Variants in CHL1 observed in about 807,000 individuals in gnomAD.
The protein encoded by CHL1 is neural cell adhesion molecule L1-like protein.
CHL1 carries 96 observed loss-of-function variants against 141.9 expected under a neutral mutation model. The observed-to-expected ratio is 0.68, with a 90% CI of 0.57 to 0.80. CHL1 has a LOEUF of 0.80. Among genes scored for constraint, CHL1 ranks in the 30% least tolerant of loss-of-function variants. CHL1 has a pLI of 0.00. For synonymous variants in CHL1, 613 were observed against 502.2 expected, an observed-to-expected ratio of 1.22 and a Z score of -2.95; for missense variants, 1,820 against 1,457.2, an observed-to-expected ratio of 1.25 and a Z score of -4.05.
chr3:398,161 A>T (rs1708828247), intron 24 of CHL1, 66 bp from the exon 25 acceptor site: 1 of 1,157,204 alleles, frequency 8.6e-7, no homozygotes, highest in Non-Finnish European at 1.2e-6. Context: ...TCTAACAACA[A>T]TATTTTTTTA....
At chr3:265,276 T>C (rs1334766301) in intron 2 of CHL1, among the ~76,000 whole-genome samples, 3 of 152,226 alleles carry the variant, frequency 2.0e-5, no homozygotes, top group African/African-American at 7.2e-5. Context: ...ATCTATAAAA[T>C]GGAAATACTT....
intron 2 of CHL1, among the ~76,000 whole-genome samples, chr3:318,848 A>G (rs946082829): frequency 5.3e-5 from 8 of 151,630 alleles, no homozygotes; most frequent in East Asian, 1.9e-4. Context: ...AATGACTCAA[A>G]TGGGAATAGA....
chr3:306,774 C>G (rs138149031), intron 2 of CHL1, among the ~76,000 whole-genome samples: 1 of 152,124 alleles, frequency 6.6e-6, no homozygotes, highest in Admixed American at 6.5e-5. Flanking sequence ...AAACCATGAA[C>G]TATTTATCTT....
chr3:378,085 A>G (rs1452860566), intron 16 of CHL1, 143 bp downstream of exon 16: 1 of 591,460 alleles, frequency 1.7e-6, no homozygotes, highest in Non-Finnish European at 2.6e-6. Flanking sequence ...AAGCAACACA[A>G]CTTCAAATCC....
chr3:310,672 CT>C (rs1239425895), intron 2 of CHL1, among the ~76,000 whole-genome samples: 1 of 152,148 alleles, frequency 6.6e-6, no homozygotes, highest in Non-Finnish European at 1.5e-5. Flanking sequence ...TATGCACAGC[CT>C]CTCCGTTATC....
At chr3:267,425 T>C (rs945183763) in intron 2 of CHL1, among the ~76,000 whole-genome samples, 1 of 152,226 alleles carries the variant, frequency 6.6e-6, no homozygotes, top group Non-Finnish European at 1.5e-5. Flanking sequence ...TCCTCTATTT[T>C]ACATTTATAT....
At chr3:360,810 C>G (rs1704172804) in intron 12 of CHL1, among the ~76,000 whole-genome samples, 1 of 137,436 alleles carries the variant, frequency 7.3e-6, no homozygotes, top group South Asian at 2.3e-4. Flanking sequence ...TCTCATTGTT[C>G]AATTCCCACC....
chr3:325,490 A>G (rs970792039), intron 3 of CHL1, among the ~76,000 whole-genome samples: 2 of 152,070 alleles, frequency 1.3e-5, no homozygotes, highest in African/African-American at 4.8e-5. Context: ...GACCAGTAAT[A>G]GAATTATTAA....
At chr3:371,066 G>T (rs992306372) in intron 15 of CHL1, among the ~76,000 whole-genome samples, 3 of 152,122 alleles carry the variant, frequency 2.0e-5, no homozygotes, top group African/African-American at 7.2e-5. Flanking sequence ...GTGCTGAGAA[G>T]AATGTATATT....
At chr3:400,660 G>A (rs143641430) in intron 26 of CHL1, among the ~76,000 whole-genome samples, 2,354 of 149,748 alleles carry the variant, frequency 0.016, 27 homozygotes, top group Non-Finnish European at 0.025. Flanking sequence ...AAATCAGCCA[G>A]GCATAGTGGT....
chr3:223,793 A>G (rs1007817791), intron 1 of CHL1, among the ~76,000 whole-genome samples: 7 of 152,154 alleles, frequency 4.6e-5, no homozygotes, highest in African/African-American at 1.7e-4. Context: ...TTTGGTAGGC[A>G]GGGGGCTAGG....
chr3:309,158 G>C (rs1699519631), intron 2 of CHL1: 1 of 152,620 alleles, frequency 6.6e-6, no homozygotes, highest in South Asian at 2.1e-4. Context: ...TCAGAGCCCA[G>C]TATTTCCCAC....
Position 363,388 on chromosome 3 carries a change from T to C in CHL1, c.1585+5T>C. 6.2e-7 allele frequency: 1 copy of C among 1,608,350 alleles called. No homozygotes were observed. Among genetic ancestry groups the C allele is most frequent in the Non-Finnish European group, 8.5e-7 (1 of 1,177,102 alleles). ...CAGCCAATTTGGATATTAGAAGTAT[T>C]TTTATTTCACTGTTACTTTGCATGA... On this transcript the variant is annotated splice_donor_5th_base_variant and intron_variant, in intron 14 of 27. Transcript: ENST00000256509.
chr3:218,625 A>G (rs980960232), intron 1 of CHL1, among the ~76,000 whole-genome samples: 2 of 152,242 alleles, frequency 1.3e-5, no homozygotes, highest in East Asian at 3.8e-4. Context: ...TTCTTCTTCT[A>G]TAAAAATTAA....
At chr3:206,526 T>G (rs1039535536) in intron 1 of CHL1, among the ~76,000 whole-genome samples, 2 of 151,842 alleles carry the variant, frequency 1.3e-5, no homozygotes, top group African/African-American at 4.8e-5. Flanking sequence ...GGCCAGGAGT[T>G]CAAGACCAGC....
intron 2 of CHL1, among the ~76,000 whole-genome samples, chr3:308,489 C>A (rs1441984075): frequency 6.6e-6 from 1 of 151,790 alleles, no homozygotes; most frequent in Admixed American, 6.6e-5. Context: ...AGATTAAAAC[C>A]ATCCAAAACA....
In CHL1 at chr3:408,769, A is replaced by G. The variant is rs1039904692; in HGVS notation, c.*3058A>G. On this transcript the variant is annotated 3_prime_UTR_variant, in exon 28 of 28. Coordinates refer to ENST00000256509, the MANE Select transcript of CHL1 (RefSeq NM_006614.4). The stretch of plus-strand genomic sequence containing the variant: ...AATTAAGCAGGGTCTTTGCTATACA[A>G]AAGTGTTTTCCACTAATTTTGCATG... 1.3e-5 allele frequency: 2 copies of G among 152,268 alleles called. No homozygotes were observed. Among genetic ancestry groups the G allele is most frequent in the Middle Eastern group, 3.4e-3 (1 of 294 alleles). 9.4% of individuals were successfully genotyped at this position (152,268 alleles called of 1,614,324 possible).
chr3:353,064 CTCTG>C (rs777425355), intron 10 of CHL1, among the ~76,000 whole-genome samples: 90 of 152,250 alleles, frequency 5.9e-4, no homozygotes, highest in African/African-American at 1.8e-3. Context: ...AAGCTCAGCC[CTCTG>C]TCTGTAAGAT....
At position 407,990 on chromosome 3, in the gene CHL1, G is replaced by C. The variant is rs1181381489; in HGVS notation, c.*2279G>C. The stretch of plus-strand genomic sequence containing the variant: ...CCTCAATACTATTTGGCAACTACTG[G>C]GACTCTTCAGCACAAAAGGAATAGA... On this transcript the variant is annotated 3_prime_UTR_variant, in exon 28 of 28. Coordinates refer to ENST00000256509, the MANE Select transcript of CHL1 (RefSeq NM_006614.4). The C allele has an allele frequency of 2.0e-5, 3 of 151,770 alleles. No homozygotes were observed. The allele number at this position is 151,770 out of a possible 1,614,324, so 9.4% of individuals were successfully genotyped here. A position where few individuals can be genotyped will look rare whatever the true frequency, so the allele number is the denominator to read the frequency against.
Sources: gnomAD v4.1 joint callset for allele counts (sites outside exome capture counted in the v4.1 genomes callset) on GRCh38, gnomAD v4.1.1 for gene constraint, MANE v1.5 for transcripts, NCBI Gene and HGNC (gene_info 2026-07-23, HGNC 2026-07-21) for gene names.